Variants in LRP1B observed in about 807,000 individuals in gnomAD.
LRP1B encodes the protein low-density lipoprotein receptor-related protein 1B.
In LRP1B, 217 loss-of-function variants were observed where a neutral mutation model predicts 556.6. The ratio of observed to expected loss-of-function variants is 0.39; its 90% CI spans 0.35 to 0.44. LRP1B has a LOEUF of 0.44. Among genes scored for constraint, LRP1B ranks in the 20% least tolerant of loss-of-function variants. LRP1B has a pLI of 1.00. For synonymous variants in LRP1B, 2,047 were observed against 1,865.8 expected (o/e 1.10, Z -2.50); for missense variants, 5,053 against 5,620.8 (o/e 0.90, Z 3.23).
chr2:140,418,460 T>C (rs182355218), intron 66 of LRP1B, among the ~76,000 whole-genome samples: 6 of 152,206 alleles, frequency 3.9e-5, no homozygotes, highest in Non-Finnish European at 1.5e-5. Flanking sequence ...GTCTTAAAAG[T>C]ATGTTTGAGA....
At chr2:140,681,947 G>T (rs1328333206) in intron 41 of LRP1B, among the ~76,000 whole-genome samples, 3 of 152,134 alleles carry the variant, frequency 2.0e-5, no homozygotes, top group Non-Finnish European at 4.4e-5. Context: ...TCATGAATGG[G>T]AGAAACAAGA....
chr2:141,020,437 C>T (rs1055729270), intron 11 of LRP1B, among the ~76,000 whole-genome samples: 10 of 151,892 alleles, frequency 6.6e-5, no homozygotes, highest in Admixed American at 2.0e-4. Context: ...GTGATAGGAG[C>T]GAAAAAGCTT....
chr2:141,999,944 G>T (rs1344286024), intron 1 of LRP1B, among the ~76,000 whole-genome samples: 2 of 150,354 alleles, frequency 1.3e-5, no homozygotes, highest in Non-Finnish European at 3.0e-5. Flanking sequence ...CTAGAATAAG[G>T]TTATAAAAGT....
chr2:140,373,332 T>C (rs1446964720), intron 68 of LRP1B, among the ~76,000 whole-genome samples, 195 bp from the exon 69 acceptor site: 2 of 152,148 alleles, frequency 1.3e-5, no homozygotes, highest in Admixed American at 6.6e-5. Flanking sequence ...ACCGAAAGAC[T>C]AGACAACTTA....
At chr2:141,882,844 G>A (rs566833529) in intron 1 of LRP1B, among the ~76,000 whole-genome samples, 1 of 152,116 alleles carries the variant, frequency 6.6e-6, no homozygotes, top group South Asian at 2.1e-4. Context: ...AAGTGCAGGG[G>A]TTATAGGCAC....
chr2:140,589,786 T>C (rs1477012006), intron 43 of LRP1B, among the ~76,000 whole-genome samples: 1 of 152,236 alleles, frequency 6.6e-6, no homozygotes, highest in Non-Finnish European at 1.5e-5. Flanking sequence ...TATGTAAGTT[T>C]CTTAAAGTGA....
In LRP1B at chr2:141,600,330, C is replaced by T. The variant is rs1397537452; in HGVS notation, c.206-119797G>A. 3.3e-5 allele frequency among the ~76,000 whole-genome samples: 5 copies of T among 152,058 alleles called. No homozygotes were observed. The East Asian group carries it at 9.7e-4, about 29-fold the overall frequency. On this transcript the variant is annotated intron_variant, in intron 2 of 90. Transcript: ENST00000389484. ...GAACCAGATAATTTTAAAAACCTTC[C>T]CAAGTGAATCTAATACACAATACAT...
chr2:140,737,418 G>A lies in LRP1B; in HGVS notation c.5759-20602C>T, dbSNP rs76101184. 1.3e-3 allele frequency among the ~76,000 whole-genome samples: 200 copies of A among 152,264 alleles called. 1 individual carries two copies. In the East Asian group the frequency reaches 0.038, roughly 29 times the overall value. On this transcript the variant is annotated intron_variant, in intron 35 of 90. Transcript: ENST00000389484. Reference sequence around the variant, plus strand: ...CTATATTACAGGGAGACAGGAAGGTGCTACAAAAGCTAGGTAATAAATGGG... The same window carrying A: ...CTATATTACAGGGAGACAGGAAGGTACTACAAAAGCTAGGTAATAAATGGG...
intron 35 of LRP1B, among the ~76,000 whole-genome samples, chr2:140,733,281 CTATAA>C (rs1182011007): frequency 6.6e-6 from 1 of 152,050 alleles, no homozygotes; most frequent in Non-Finnish European, 1.5e-5. Flanking sequence ...CATATAAATC[CTATAA>C]TATATGTCCT....
rs190919150 is a variant in LRP1B at position 142,022,706 on chromosome 2, T to C, written c.82+107942A>G. 5.9e-3 allele frequency among the ~76,000 whole-genome samples: 897 copies of C among 152,326 alleles called. 14 individuals are homozygous for C. Among genetic ancestry groups the C allele is most frequent in the Middle Eastern group, 0.024 (7 of 294 alleles). On this transcript the variant is annotated intron_variant, in intron 1 of 90. Coordinates refer to ENST00000389484, the MANE Select transcript of LRP1B (RefSeq NM_018557.3). ...TATTTTTTGAGATGGAGTCTTGCTC[T>C]GTTGCCCAGGCTGGAGTGCCGTGGC...
At chr2:141,513,367 T>C (rs1684198351) in intron 2 of LRP1B, among the ~76,000 whole-genome samples, 1 of 152,116 alleles carries the variant, frequency 6.6e-6, no homozygotes, top group Non-Finnish European at 1.5e-5. Flanking sequence ...TTTTTCTAAA[T>C]GAATGACTGT....
rs1684474707 is a variant in LRP1B at position 141,256,591 on chromosome 2, A to G, written c.344-1950T>C. Among the ~76,000 whole-genome samples, 5 of 152,126 alleles carry G rather than the reference A, an allele frequency of 3.3e-5. No homozygotes were observed. In the South Asian group the frequency reaches 1.0e-3, roughly 31 times the overall value. On this transcript the variant is annotated intron_variant, in intron 3 of 90. Transcript: ENST00000389484. The stretch of plus-strand genomic sequence containing the variant: ...AGCTATCTAAGTGACTAGGAATGGC[A>G]AAATGCTAAATGAAGACTATGAATC...
chr2:140,584,916 C>T, intron 43 of LRP1B, among the ~76,000 whole-genome samples: 1 of 151,460 alleles, frequency 6.6e-6, no homozygotes, highest in Admixed American at 6.6e-5. Context: ...TCATTTTATT[C>T]AGAGCATCCT....
intron 67 of LRP1B, among the ~76,000 whole-genome samples, chr2:140,384,794 T>A (rs1422950499): frequency 1.3e-5 from 2 of 152,172 alleles, no homozygotes; most frequent in Non-Finnish European, 2.9e-5. Flanking sequence ...CTTAGTCCAA[T>A]GAGATGTCTG....
At chr2:141,831,440 C>T (rs1441442071) in intron 1 of LRP1B, among the ~76,000 whole-genome samples, 7 of 151,516 alleles carry the variant, frequency 4.6e-5, no homozygotes, top group Admixed American at 4.0e-4. Flanking sequence ...TTCAATAGCT[C>T]TCTGTATTTC....
chr2:142,017,382 A>T (rs1703181897), intron 1 of LRP1B, among the ~76,000 whole-genome samples: 1 of 152,146 alleles, frequency 6.6e-6, no homozygotes, highest in Non-Finnish European at 1.5e-5. Flanking sequence ...TATTTTAATT[A>T]TAGTGATAAT....
chr2:141,149,363 G>T (rs1469229409), intron 7 of LRP1B, among the ~76,000 whole-genome samples: 1 of 152,070 alleles, frequency 6.6e-6, no homozygotes, highest in Non-Finnish European at 1.5e-5. Flanking sequence ...TTGACATTAA[G>T]AATATTACGT....
chr2:141,906,566 T>C (rs1207387726), intron 1 of LRP1B, among the ~76,000 whole-genome samples: 1 of 152,000 alleles, frequency 6.6e-6, no homozygotes, highest in African/African-American at 2.4e-5. Flanking sequence ...AGAAACTAAA[T>C]AGAAATCTAC....
At chr2:141,164,357 T>C (rs2105121115) in intron 7 of LRP1B, among the ~76,000 whole-genome samples, 1 of 152,112 alleles carries the variant, frequency 6.6e-6, no homozygotes, top group Non-Finnish European at 1.5e-5. Flanking sequence ...TTCATCAATG[T>C]CCATCAATGG....
Sources: gnomAD v4.1 joint callset for allele counts (sites outside exome capture counted in the v4.1 genomes callset) on GRCh38, gnomAD v4.1.1 for gene constraint, MANE v1.5 for transcripts, NCBI Gene and HGNC (gene_info 2026-07-23, HGNC 2026-07-21) for gene names.